The following DCAF1 variants were observed in gnomAD, a reference collection of about 807,000 sequenced individuals.
DCAF1 encodes DDB1- and CUL4-associated factor 1.
DCAF1 carries 15 observed loss-of-function variants against 128.0 expected under a neutral mutation model. The ratio of observed to expected loss-of-function variants is 0.12; its 90% confidence interval spans 0.08 to 0.18. DCAF1 has a LOEUF of 0.18. DCAF1 is among the 10% of genes least tolerant of loss of function. DCAF1 has a pLI of 1.00. For synonymous variants in DCAF1, 610 were observed against 603.0 expected (o/e 1.01, Z -0.17); for missense variants, 988 against 1,649.5 (o/e 0.60, Z 6.95).
At chr3:51,429,826 G>C (rs1700215640) in intron 11 of DCAF1, among the ~76,000 whole-genome samples, 1 of 151,798 alleles carries the variant, frequency 6.6e-6, no homozygotes, top group East Asian at 1.9e-4. Flanking sequence ...TATATCCAAG[G>C]CAAGTCTACA....
chr3:51,403,863 C>T lies in DCAF1; in HGVS notation c.4213-468G>A, dbSNP rs180792887. On this transcript the variant is annotated intron_variant, in intron 23 of 24. Coordinates refer to ENST00000684031, the MANE Select transcript of DCAF1 (RefSeq NM_001387579.1). ...CAAGCTCTTGCCCTTGATCTTCTAA[C>T]CAAGAATGTGGATAAGCTCCTAACT... 2.9e-4 allele frequency among the ~76,000 whole-genome samples: 44 copies of T among 152,288 alleles called. No homozygotes were observed. In the East Asian group the frequency reaches 8.3e-3, roughly 29 times the overall value.
rs1265038866 is a variant in DCAF1 at position 51,468,253 on chromosome 3, C to A, written c.188-1377G>T. On this transcript the variant is annotated intron_variant, in intron 4 of 24. Transcript: ENST00000684031. The stretch of plus-strand genomic sequence containing the variant: ...GTGGCTCAATCTTGGCTCACTGCAA[C>A]CTCCACCTCCTAAATTCAAGCAATT... Among the ~76,000 whole-genome samples the A allele has an allele frequency of 5.3e-5, 8 of 152,208 alleles. No homozygotes were observed. In the East Asian group the frequency reaches 5.8e-4, roughly 11 times the overall value.
At chr3:51,423,746 G>A (rs1553633263) in intron 13 of DCAF1, among the ~76,000 whole-genome samples, 1 of 151,442 alleles carries the variant, frequency 6.6e-6, no homozygotes, top group African/African-American at 2.4e-5. Context: ...CTTGAATCTG[G>A]GAGGCAGAGG....
intron 2 of DCAF1, among the ~76,000 whole-genome samples, chr3:51,491,905 C>G (rs1396205417): frequency 2.0e-5 from 3 of 152,044 alleles, no homozygotes; most frequent in Non-Finnish European, 4.4e-5. Context: ...CGCCTGTTAT[C>G]CCAGCACTGT....
intron 3 of DCAF1, among the ~76,000 whole-genome samples, chr3:51,481,859 G>A (rs370921194): frequency 2.6e-4 from 39 of 152,018 alleles, no homozygotes; most frequent in East Asian, 1.2e-3. Flanking sequence ...GCGTCGTGGC[G>A]GGCACCTGTA....
At position 51,495,476 on chromosome 3, in the gene DCAF1, T is replaced by C. The variant is rs1708131179; in HGVS notation, c.-9+1258A>G. 1.3e-5 allele frequency among the ~76,000 whole-genome samples: 2 copies of C among 152,076 alleles called. 1 individual carries two copies. Among genetic ancestry groups the C allele is most frequent in the African/African-American group, 4.8e-5 (2 of 41,402 alleles). On this transcript the variant is annotated intron_variant, in intron 2 of 24. Coordinates refer to ENST00000684031, the MANE Select transcript of DCAF1 (RefSeq NM_001387579.1). ...CAGCCTGGGTAACAGTAAGACCTTG[T>C]CTTTATTATTTAAATACATAAATAA...
intron 1 of DCAF1, among the ~76,000 whole-genome samples, chr3:51,498,921 G>A (rs1310356053): frequency 6.6e-5 from 10 of 152,174 alleles, no homozygotes; most frequent in African/African-American, 2.4e-4. Context: ...CATTAACGAT[G>A]CATTTTGAAC....
chr3:51,500,015 T>C lies in DCAF1; in HGVS notation c.-198A>G, dbSNP rs1553663553. 1.4e-5 allele frequency: 2 copies of C among 144,824 alleles called. No individual in the cohort carries two copies. Among genetic ancestry groups the C allele is most frequent in the East Asian group, 2.2e-4 (1 of 4,582 alleles). 9.0% of individuals were successfully genotyped at this position (144,824 alleles called of 1,614,324 possible). On this transcript the variant is annotated 5_prime_UTR_variant, in exon 1 of 25. Transcript: ENST00000684031. Reference sequence around the variant, plus strand: ...CGGCTCCACAGCGGCCCACATATTATGCGTCACTCGCGCGCTACGTGCACC... The same window carrying C: ...CGGCTCCACAGCGGCCCACATATTACGCGTCACTCGCGCGCTACGTGCACC...
At chr3:51,467,770 A>G (rs535535790) in intron 4 of DCAF1, among the ~76,000 whole-genome samples, 16 of 152,340 alleles carry the variant, frequency 1.1e-4, no homozygotes, top group African/African-American at 3.6e-4. Context: ...GAATTAAACA[A>G]ATGAGCACTA....
intron 3 of DCAF1, among the ~76,000 whole-genome samples, chr3:51,472,946 G>C (rs1185785091): frequency 1.3e-5 from 2 of 151,306 alleles, no homozygotes; most frequent in Admixed American, 6.6e-5. Context: ...TTATAGGCGT[G>C]AGCCACCACG....
chr3:51,469,209 T>A (rs890169723), intron 4 of DCAF1, among the ~76,000 whole-genome samples: 16 of 151,534 alleles, frequency 1.1e-4, no homozygotes, highest in Admixed American at 8.6e-4. Context: ...CACATTCTTT[T>A]TCCACACACA....
intron 13 of DCAF1, among the ~76,000 whole-genome samples, chr3:51,425,079 T>C (rs1313468259): frequency 6.6e-6 from 1 of 152,244 alleles, no homozygotes; most frequent in African/African-American, 2.4e-5. Flanking sequence ...AGAGTAATTT[T>C]CTTTTCTCTT....
At chr3:51,425,605 C>T (rs1362136522) in intron 13 of DCAF1, among the ~76,000 whole-genome samples, 1 of 140,584 alleles carries the variant, frequency 7.1e-6, no homozygotes, top group South Asian at 2.3e-4. Flanking sequence ...CTCTGTTGCC[C>T]CGGCTAAAGT....
At chr3:51,415,850 C>T (rs539029287) in intron 18 of DCAF1, among the ~76,000 whole-genome samples, 1 of 152,224 alleles carries the variant, frequency 6.6e-6, no homozygotes, top group South Asian at 2.1e-4. Context: ...TCCCAAAGTG[C>T]TGGGATTACA....
In DCAF1 at chr3:51,470,937, C is replaced by T. The variant is rs1704662893; in HGVS notation, c.179G>A (p.Arg60Gln). The part of the protein sequence containing the change: ...RKGDPDPFDD[R>Q]HPGRADPECM... ...AAGAGCACAAATCTTACCAGGATGT[C>T]GATCATCAAATGGGTCTGGATCCCC... The change falls in exon 4 of 25, where the codon CGA becomes CAA. Residue 60 changes from arginine (R) to glutamine (Q), a missense_variant. By Grantham distance (43) the Arg-to-Gln change is conservative. Coordinates refer to ENST00000684031, the MANE Select transcript of DCAF1 (RefSeq NM_001387579.1). 2 of 1,592,702 alleles carry T rather than the reference C, an allele frequency of 1.3e-6. No individual in the cohort carries two copies. Among genetic ancestry groups the T allele is most frequent in the Admixed American group, 1.7e-5 (1 of 59,340 alleles).
chr3:51,419,224 G>A (rs1302752138), intron 15 of DCAF1, among the ~76,000 whole-genome samples: 2 of 151,970 alleles, frequency 1.3e-5, no homozygotes, highest in African/African-American at 4.8e-5. Flanking sequence ...AGCTAGATAT[G>A]GTGGTGCCTG....
Position 51,441,683 on chromosome 3 carries a change from A to G in DCAF1, c.728T>C (p.Leu243Pro), listed in dbSNP as rs201277987. 8.3e-5 allele frequency: 134 copies of G among 1,613,878 alleles called. No homozygotes were observed. The African/African-American group carries it at 1.3e-3, about 15-fold the overall frequency. ...ASGDMEISFHLDSGHKTSSRV... is the reference protein window; with the variant it reads ...ASGDMEISFHPDSGHKTSSRV... ...GCTACTAGTCTTGTGGCCTGAATCA[A>G]GATGAAAGGAGATCTCCATGTCTCC... The change falls in exon 8 of 25, where the codon CTT (leucine) becomes CCT (proline). Residue 243 changes from leucine to proline, a missense_variant. Coordinates refer to ENST00000684031, the MANE Select transcript of DCAF1 (RefSeq NM_001387579.1).
At chr3:51,399,476 C>T (rs962901531) in intron 24 of DCAF1, among the ~76,000 whole-genome samples, 5 of 152,218 alleles carry the variant, frequency 3.3e-5, no homozygotes, top group South Asian at 2.1e-4. Flanking sequence ...AGGAGGCCAG[C>T]GGGAGCAGTG....
At chr3:51,407,118 G>A (rs782184847) in intron 23 of DCAF1, among the ~76,000 whole-genome samples, 1 of 140,762 alleles carries the variant, frequency 7.1e-6, no homozygotes, top group Admixed American at 7.9e-5. Context: ...CTTGAACCTA[G>A]GAGGCGGAAG....
Sources: allele counts gnomAD v4.1 joint callset (sites outside exome capture counted in the v4.1 genomes callset), GRCh38; gene constraint gnomAD v4.1.1; transcripts MANE v1.5; gene names NCBI Gene and HGNC (gene_info 2026-07-23, HGNC 2026-07-21).